CCAR2: variants seen among roughly 807,000 people sequenced by gnomAD.
The protein encoded by CCAR2 is cell cycle and apoptosis regulator 2.
CCAR2 carries 21 observed loss-of-function variants against 108.1 expected under a neutral mutation model. That is an observed-to-expected ratio of 0.19 (90% CI 0.14 to 0.28). CCAR2 has a LOEUF of 0.28. CCAR2 is among the 10% of genes least tolerant of loss of function. The probability of loss-of-function intolerance (pLI) is 1.00; values close to 1 mark genes in which losing one functional copy is unlikely to be tolerated. For missense variants in CCAR2, 1,126 were observed against 1,177.0 expected (o/e 0.96, Z 0.63); for synonymous variants, 577 against 472.8 (o/e 1.22, Z -2.86).
intron 3 of CCAR2, 99 bp from the exon 4 acceptor site, chr8:22,606,508 G>T (rs894346193): frequency 2.3e-5 from 21 of 909,898 alleles, no homozygotes; most frequent in Non-Finnish European, 3.4e-5. Context: ...GATGCAGTAC[G>T]CTGAGCTGGG....
In CCAR2 at chr8:22,619,973, C is replaced by T; in HGVS notation, c.*291C>T. On this transcript the variant is annotated 3_prime_UTR_variant, in exon 21 of 21. Coordinates refer to ENST00000308511, the MANE Select transcript of CCAR2 (RefSeq NM_001393997.1). ...GTATTTCTCCTGGGGCCCTTTTAGT[C>T]TTGTGCTGACTTTCTCCTGTCCTCT... The T allele has an allele frequency of 2.1e-6, 1 of 465,552 alleles. No individual in the cohort carries two copies. Among genetic ancestry groups the T allele is most frequent in the South Asian group, 2.6e-5 (1 of 38,968 alleles). The allele number at this position is 465,552 out of a possible 1,614,324, so 28.8% of individuals were successfully genotyped here. A position where few individuals can be genotyped will look rare whatever the true frequency, so the allele number is the denominator to read the frequency against.
intron 1 of CCAR2, 102 bp downstream of exon 1, chr8:22,604,944 C>T (rs1334335238): frequency 8.6e-6 from 3 of 349,432 alleles, no homozygotes; most frequent in East Asian, 9.2e-5. Flanking sequence ...GCGTGGGGCG[C>T]GGAAGGGGCC....
chr8:22,607,857 C>T, intron 6 of CCAR2, 112 bp from the exon 7 acceptor site: 1 of 779,566 alleles, frequency 1.3e-6, no homozygotes, highest in Non-Finnish European at 2.1e-6. Flanking sequence ...AACTCCTGAC[C>T]TCAAGTGATC....
At position 22,618,480 on chromosome 8, in the gene CCAR2, G is replaced by C; in HGVS notation, c.2205G>C (p.Arg735=). The C allele has an allele frequency of 6.2e-7, 1 of 1,614,206 alleles. No homozygotes were observed. Among genetic ancestry groups the C allele is most frequent in the Non-Finnish European group, 8.5e-7 (1 of 1,180,042 alleles). Residue 735 remains arginine (R), a synonymous_variant, in exon 17 of 21, where the codon CGG becomes CGC. Coordinates refer to ENST00000308511, the MANE Select transcript of CCAR2 (RefSeq NM_001393997.1). ...GGATCCTCCTTACCCTTGGGATCCG[G>C]CTCAGTGCAGAGCAGGTACCTTCTT... The part of the protein sequence containing the change: ...LERILLTLGI[R]LSAEQAKQLV...
In CCAR2 at chr8:22,615,894, G is replaced by T; in HGVS notation, c.1590G>T (p.Lys530Asn). Residue 530 changes from lysine (K) to asparagine (N), a missense_variant, in exon 13 of 21, where the codon AAG (lysine) becomes AAT (asparagine). By Grantham distance (94) the Lys-to-Asn change is moderately conservative. Coordinates refer to ENST00000308511, the MANE Select transcript of CCAR2 (RefSeq NM_001393997.1). ...GGATTGTGGAGGATCGGAGGCCAAA[G>T]GAAAGGATCTCTTTTGAGGCAGGTG... The part of the protein sequence containing the change: ...LHGIVEDRRP[K>N]ERISFEVMVL... The T allele has an allele frequency of 1.2e-6, 2 of 1,614,048 alleles. No individual in the cohort carries two copies. Among genetic ancestry groups the T allele is most frequent in the Non-Finnish European group, 8.5e-7 (1 of 1,180,032 alleles).
intron 14 of CCAR2, 174 bp downstream of exon 14, chr8:22,616,422 C>T (rs892736821): frequency 6.3e-6 from 4 of 639,310 alleles, no homozygotes; most frequent in Admixed American, 2.8e-5. Flanking sequence ...GAAGGTGGCG[C>T]AGAGTGCAGG....
chr8:22,606,860 C>G (rs200883526), intron 4 of CCAR2, 50 bp from the exon 5 acceptor site: 1 of 1,592,226 alleles, frequency 6.3e-7, no homozygotes, highest in Non-Finnish European at 8.6e-7. Flanking sequence ...TCAGGGTGGC[C>G]TGGCCAGGGT....
In CCAR2 at chr8:22,615,707, C is replaced by T. The variant is rs1221385644; in HGVS notation, c.1403C>T (p.Pro468Leu). Residue 468 changes from proline (P) to leucine (L), a missense_variant, in exon 13 of 21, where the codon CCT (proline) becomes CTT (leucine). Physicochemically the swap from Pro to Leu is moderately conservative, Grantham distance 98. This residue lies in a region of CCAR2 where 1,013 missense variants were observed against 993.9 expected (regional missense o/e 1.02). Transcript: ENST00000308511. ...GAAACGGAGCCTACTGAACAGGCAC[C>T]TGATGCCTTGGAGCAAGCAGCAGAC... ...QGETEPTEQA[P>L]DALEQAADTS... 2 of 1,613,734 alleles carry T rather than the reference C, an allele frequency of 1.2e-6. No homozygotes were observed. Among genetic ancestry groups the T allele is most frequent in the Non-Finnish European group, 1.7e-6 (2 of 1,180,014 alleles).
intron 7 of CCAR2, 153 bp from the exon 8 acceptor site, chr8:22,612,862 CTT>C: frequency 2.5e-6 from 2 of 797,148 alleles, no homozygotes; most frequent in East Asian, 5.7e-5. Flanking sequence ...ATTTTAATAT[CTT>C]TATAACATTC....
Position 22,617,479 on chromosome 8 carries a change from C to A in CCAR2, c.1905C>A (p.Pro635=). 2 of 1,604,248 alleles carry A rather than the reference C, an allele frequency of 1.2e-6. No individual in the cohort carries two copies. The highest frequency in any genetic ancestry group is 1.1e-5 in the South Asian group (1 of 89,644). ...CTGGGGGAGAGGAAGAAGAAAAACC[C>A]CGGGGCGAGGCTTCTGAGGACCTGT... ...LSSGGEEEEK[P]RGEASEDLCE... Residue 635 remains proline, a synonymous_variant, in exon 15 of 21, where the codon CCC becomes CCA. Coordinates refer to ENST00000308511, the MANE Select transcript of CCAR2 (RefSeq NM_001393997.1).
At chr8:22,612,177 C>A (rs1040269824) in intron 7 of CCAR2, among the ~76,000 whole-genome samples, 3 of 152,162 alleles carry the variant, frequency 2.0e-5, no homozygotes, top group Non-Finnish European at 4.4e-5. Flanking sequence ...GAACTCCCGA[C>A]CTCAAGTGAT....
rs561503825 is a variant in CCAR2 at position 22,607,116 on chromosome 8, G to C, written c.358-80G>C. On this transcript the variant is annotated intron_variant, in intron 5 of 20. Coordinates refer to ENST00000308511, the MANE Select transcript of CCAR2 (RefSeq NM_001393997.1). ...TGGGCAAAACCCTGACTTTTGTCAG[G>C]GGGGTGGGACTGCATCTTTCCAAGG... 1.3e-4 allele frequency: 205 copies of C among 1,608,722 alleles called. No individual in the cohort carries two copies. The African/African-American group carries it at 2.4e-3, about 19-fold the overall frequency.
intron 12 of CCAR2, 29 bp downstream of exon 12, chr8:22,615,625 G>A (rs768261539): frequency 6.2e-7 from 1 of 1,613,654 alleles, no homozygotes; most frequent in Non-Finnish European, 8.5e-7. Context: ...CAGCAGCGGG[G>A]GATATAGGTG....
In CCAR2 at chr8:22,614,987, C is replaced by T. The variant is rs1029750157; in HGVS notation, c.1191C>T (p.Ser397=). 1.1e-5 allele frequency: 18 copies of T among 1,582,502 alleles called. No individual in the cohort carries two copies. The highest frequency in any genetic ancestry group is 4.6e-5 in the East Asian group (2 of 43,464). ...CAQAQTGIDL[S]GCTKWWRFAE... ...AGGCCCAGACTGGCATTGATTTGAG[C>T]GGCTGTACCAAGTGGTGAGTGGGCT... The change falls in exon 11 of 21, where the codon AGC becomes AGT. Residue 397 remains serine, a synonymous_variant. Transcript: ENST00000308511.
intron 11 of CCAR2, 108 bp downstream of exon 11, chr8:22,615,109 A>T: frequency 1.5e-6 from 2 of 1,363,370 alleles, no homozygotes; most frequent in Non-Finnish European, 1.9e-6. Flanking sequence ...TCTGCCCCCT[A>T]GTCCCGTTCC....
At position 22,615,490 on chromosome 8, in the gene CCAR2, T is replaced by G. The variant is rs1415699098; in HGVS notation, c.1271T>G (p.Val424Gly). 1 of 1,613,924 alleles carries G rather than the reference T, an allele frequency of 6.2e-7. No homozygotes were observed. The highest frequency in any genetic ancestry group is 8.5e-7 in the Non-Finnish European group (1 of 1,180,022). The part of the protein sequence containing the change: ...GPPRRLQTVV[V>G]YLPDVWTIMP... ...CCCCGGCGGCTTCAGACAGTGGTGGTGTACCTGCCGGATGTCTGGACCATC... is the reference window on the plus strand; with the variant it reads ...CCCCGGCGGCTTCAGACAGTGGTGGGGTACCTGCCGGATGTCTGGACCATC... The change falls in exon 12 of 21, where the codon GTG becomes GGG. Residue 424 changes from valine to glycine, a missense_variant. Val to Gly is a moderately radical substitution (Grantham distance 109). Coordinates refer to ENST00000308511, the MANE Select transcript of CCAR2 (RefSeq NM_001393997.1).
intron 7 of CCAR2, among the ~76,000 whole-genome samples, chr8:22,611,986 C>G (rs1801303485): frequency 6.6e-6 from 1 of 151,478 alleles, no homozygotes; most frequent in Admixed American, 6.6e-5. Context: ...GCTTTGTTGC[C>G]CAGGCTGGAG....
chr8:22,608,129 T>C, intron 7 of CCAR2, 64 bp downstream of exon 7: 1 of 1,351,368 alleles, frequency 7.4e-7, no homozygotes, highest in South Asian at 1.3e-5. Context: ...TATTTTATTA[T>C]TATTTTTTTG....
chr8:22,618,243 A>G, intron 16 of CCAR2, 106 bp from the exon 17 acceptor site: 3 of 1,440,740 alleles, frequency 2.1e-6, no homozygotes, highest in East Asian at 4.6e-5. Flanking sequence ...GGCATGCATC[A>G]CTGCATGTGG....
Sources: gnomAD v4.1 joint callset for allele counts (sites outside exome capture counted in the v4.1 genomes callset) on GRCh38, gnomAD v4.1.1 for gene constraint, gnomAD v4.1.1 regional missense constraint, MANE v1.5 for transcripts, NCBI Gene and HGNC (gene_info 2026-07-23, HGNC 2026-07-21) for gene names.